The following LSAMP variants were observed in gnomAD, a reference collection of about 807,000 sequenced individuals.
LSAMP encodes the protein limbic system associated membrane protein, also known as limbic system-associated membrane protein.
In LSAMP, 7 loss-of-function variants were observed where a neutral mutation model predicts 38.6. That is an observed-to-expected ratio of 0.18 (90% CI 0.10 to 0.34). The LOEUF is 0.34. LSAMP is among the 10% of genes least tolerant of loss of function. The pLI is 1.00. For synonymous variants in LSAMP, 154 were observed against 166.8 expected (o/e 0.92, Z 0.59); for missense variants, 313 against 420.0 (o/e 0.75, Z 2.23).
chr3:116,250,713 T>A (rs77261680), intron 1 of LSAMP, among the ~76,000 whole-genome samples: 20 of 102,958 alleles, frequency 1.9e-4, no homozygotes, highest in Non-Finnish European at 2.6e-4. Context: ...AAAAAAAAAA[T>A]ACAAATATCA....
chr3:115,886,801 G>T (rs953269031), intron 3 of LSAMP, among the ~76,000 whole-genome samples: 6 of 151,878 alleles, frequency 4.0e-5, no homozygotes, highest in Non-Finnish European at 7.4e-5. Flanking sequence ...TATCATCTTA[G>T]GTTAACAATG....
chr3:115,864,096 C>T (rs1363017019), intron 3 of LSAMP, among the ~76,000 whole-genome samples: 3 of 152,132 alleles, frequency 2.0e-5, no homozygotes, highest in African/African-American at 7.2e-5. Context: ...AGGTCCAGTC[C>T]ACTTGGCCCC....
intron 1 of LSAMP, among the ~76,000 whole-genome samples, chr3:116,407,438 A>G (rs1466920810): frequency 1.3e-5 from 2 of 152,056 alleles, no homozygotes; most frequent in African/African-American, 4.8e-5. Flanking sequence ...CAATAGTAGT[A>G]AGGTTTTAAG....
chr3:116,235,183 C>A (rs1006600977), intron 1 of LSAMP, among the ~76,000 whole-genome samples: 7 of 151,896 alleles, frequency 4.6e-5, no homozygotes, highest in South Asian at 2.1e-4. Context: ...AAATAATAAA[C>A]AGCTCACTGC....
chr3:116,187,991 T>A (rs888470127), intron 1 of LSAMP, among the ~76,000 whole-genome samples: 1 of 152,128 alleles, frequency 6.6e-6, no homozygotes, highest in African/African-American at 2.4e-5. Flanking sequence ...TTCCCCTCTG[T>A]GTGTCCGTGT....
At chr3:115,955,169 C>T (rs535686285) in intron 3 of LSAMP, among the ~76,000 whole-genome samples, 7 of 152,186 alleles carry the variant, frequency 4.6e-5, no homozygotes, top group Admixed American at 1.3e-4. Context: ...CTCCTGACCT[C>T]GTGATCCGCC....
chr3:116,355,251 A>C (rs1489546876), intron 1 of LSAMP, among the ~76,000 whole-genome samples: 3 of 152,162 alleles, frequency 2.0e-5, no homozygotes, highest in Non-Finnish European at 4.4e-5. Flanking sequence ...TCTTTTCTTA[A>C]AAAAATAAGC....
chr3:116,385,697 T>C (rs1161521592), intron 1 of LSAMP, among the ~76,000 whole-genome samples: 1 of 152,154 alleles, frequency 6.6e-6, no homozygotes, highest in Non-Finnish European at 1.5e-5. Context: ...CTTTCCTTAA[T>C]AGGTCTGCTT....
intron 1 of LSAMP, among the ~76,000 whole-genome samples, chr3:116,144,350 T>C (rs939677038): frequency 1.3e-5 from 2 of 151,742 alleles, no homozygotes; most frequent in African/African-American, 4.8e-5. Flanking sequence ...TAGTGAGACC[T>C]TGTCACTACA....
At chr3:115,886,225 C>G (rs1379001284) in intron 3 of LSAMP, among the ~76,000 whole-genome samples, 1 of 151,922 alleles carries the variant, frequency 6.6e-6, no homozygotes, top group Non-Finnish European at 1.5e-5. Flanking sequence ...CAGACAGACT[C>G]AGAAAAAAAT....
intron 2 of LSAMP, among the ~76,000 whole-genome samples, chr3:116,063,485 T>A (rs186793882): frequency 5.3e-5 from 8 of 152,326 alleles, no homozygotes; most frequent in Admixed American, 3.3e-4. Context: ...TAGCTGTATA[T>A]CCTACTTTCA....
chr3:115,926,839 C>T (rs1404701504), intron 3 of LSAMP, among the ~76,000 whole-genome samples: 1 of 152,196 alleles, frequency 6.6e-6, no homozygotes, highest in Admixed American at 6.5e-5. Context: ...CATCTCCCAT[C>T]TCTTCTTGAC....
chr3:116,151,195 A>G (rs559107062), intron 1 of LSAMP, among the ~76,000 whole-genome samples: 3 of 152,086 alleles, frequency 2.0e-5, no homozygotes, highest in Non-Finnish European at 4.4e-5. Flanking sequence ...CTTACTTTAA[A>G]TGAGGAAAAC....
At chr3:116,143,411 G>A (rs1709417417) in intron 1 of LSAMP, among the ~76,000 whole-genome samples, 1 of 151,840 alleles carries the variant, frequency 6.6e-6, no homozygotes. Context: ...AGCACAACAG[G>A]GTGACTATAG....
chr3:116,336,876 A>C (rs1398823537), intron 1 of LSAMP, among the ~76,000 whole-genome samples: 2 of 151,902 alleles, frequency 1.3e-5, no homozygotes, highest in African/African-American at 4.8e-5. Context: ...AACAGCTGAA[A>C]TGTAGAAGCA....
intron 1 of LSAMP, among the ~76,000 whole-genome samples, chr3:116,240,648 C>T (rs2046520496): frequency 6.6e-6 from 1 of 152,112 alleles, no homozygotes; most frequent in South Asian, 2.1e-4. Flanking sequence ...GAAGTTGCAT[C>T]AAGAATTTTT....
chr3:115,868,970 G>GAA (rs11292116), intron 3 of LSAMP, among the ~76,000 whole-genome samples: 1 of 151,318 alleles, frequency 6.6e-6, no homozygotes, highest in South Asian at 2.1e-4. Context: ...TATAAATCAG[G>GAA]AAAAAAAACC....
At chr3:116,080,352 C>T (rs1020348065) in intron 2 of LSAMP, among the ~76,000 whole-genome samples, 7 of 152,276 alleles carry the variant, frequency 4.6e-5, no homozygotes, top group African/African-American at 1.7e-4. Context: ...ATAACTTTTT[C>T]TCTTTTCCCT....
intron 2 of LSAMP, among the ~76,000 whole-genome samples, chr3:116,024,131 G>C (rs549010968): frequency 6.6e-6 from 1 of 152,130 alleles, no homozygotes; most frequent in South Asian, 2.1e-4. Flanking sequence ...GGCCATATTG[G>C]GTGAAATGCC....
Sources: gnomAD v4.1 joint callset for allele counts (sites outside exome capture counted in the v4.1 genomes callset) on GRCh38, gnomAD v4.1.1 for gene constraint, MANE v1.5 for transcripts, NCBI Gene and HGNC (gene_info 2026-07-23, HGNC 2026-07-21) for gene names.